The following TENT4A variants were observed in gnomAD, a reference collection of about 807,000 sequenced individuals.
TENT4A encodes DNA polymerase kappa.
TENT4A carries 7 observed loss-of-function variants against 72.8 expected under a neutral mutation model. The observed-to-expected ratio is 0.10, with a 90% CI of 0.05 to 0.18. The LOEUF (loss-of-function observed/expected upper bound fraction) is 0.18, where lower values mean the gene tolerates loss of function less well. Ranked by LOEUF, TENT4A falls within the 10% of genes least tolerant of loss-of-function variation. TENT4A has a pLI of 1.00. For missense variants in TENT4A, 831 were observed against 1,017.7 expected, an observed-to-expected ratio of 0.82 and a Z score of 2.50; for synonymous variants, 456 against 434.3, an observed-to-expected ratio of 1.05 and a Z score of -0.62.
chr5:6,724,156 A>G (rs573375770), intron 1 of TENT4A, among the ~76,000 whole-genome samples: 1 of 152,350 alleles, frequency 6.6e-6, no homozygotes, highest in Non-Finnish European at 1.5e-5. Flanking sequence ...AAATAAAGGC[A>G]CTGGTGCCCA....
At chr5:6,719,446 A>T (rs1030716753) in intron 1 of TENT4A, among the ~76,000 whole-genome samples, 1 of 152,200 alleles carries the variant, frequency 6.6e-6, no homozygotes, top group Non-Finnish European at 1.5e-5. Flanking sequence ...AAAGGTACAG[A>T]GGGGTGGCAG....
Position 6,732,208 on chromosome 5 carries a change from G to C in TENT4A, c.717-5302G>C, listed in dbSNP as rs551672359. On this transcript the variant is annotated intron_variant, in intron 1 of 12. Transcript: ENST00000230859. ...CCTGGGTGAGGCAGTGCACGGGTGGGCTTGCTTCACCTCTTTGGCCCCAGC... is the reference window on the plus strand; with the variant it reads ...CCTGGGTGAGGCAGTGCACGGGTGGCCTTGCTTCACCTCTTTGGCCCCAGC... 3.9e-5 allele frequency among the ~76,000 whole-genome samples: 6 copies of C among 152,326 alleles called. No homozygotes were observed. The South Asian group carries it at 1.0e-3, about 26-fold the overall frequency.
intron 4 of TENT4A, among the ~76,000 whole-genome samples, chr5:6,740,612 C>T (rs1354264310): frequency 6.6e-6 from 1 of 152,074 alleles, no homozygotes; most frequent in Non-Finnish European, 1.5e-5. Flanking sequence ...TTGTCAGGTG[C>T]TTTTGATTGA....
In TENT4A at chr5:6,746,317, G is replaced by GTA; in HGVS notation, c.1351_1352dup (p.Arg452LeufsTer16). Reference sequence around the variant, plus strand: ...AGAAATTTTAATTACTTGAAAACCGGTATTAGAATCAAAGAAGGAGGTGCC... The same window carrying GTA: ...AGAAATTTTAATTACTTGAAAACCGGTATATTAGAATCAAAGAAGGAGGTGCC... On this transcript the variant is annotated frameshift_variant, in exon 7 of 13. Transcript: ENST00000230859. LOFTEE classifies it high-confidence loss of function. 1 of 1,614,140 alleles carries GTA rather than the reference G, an allele frequency of 6.2e-7. No homozygotes were observed. The highest frequency in any genetic ancestry group is 2.2e-5 in the East Asian group (1 of 44,876).
chr5:6,730,945 CT>C (rs1741180465), intron 1 of TENT4A, among the ~76,000 whole-genome samples: 3 of 152,246 alleles, frequency 2.0e-5, no homozygotes, highest in Admixed American at 1.3e-4. Flanking sequence ...CAGTCATTCC[CT>C]CATTATGCTT....
chr5:6,725,741 G>T (rs1740885765), intron 1 of TENT4A, among the ~76,000 whole-genome samples: 2 of 152,170 alleles, frequency 1.3e-5, no homozygotes, highest in Admixed American at 1.3e-4. Flanking sequence ...AGAAGCACAA[G>T]CAGGTGGCTG....
chr5:6,723,434 G>A (rs1462648429), intron 1 of TENT4A, among the ~76,000 whole-genome samples: 6 of 152,128 alleles, frequency 3.9e-5, no homozygotes, highest in Non-Finnish European at 8.8e-5. Context: ...CTCTCTGCAC[G>A]AGTTTGCTCC....
At chr5:6,731,167 T>G (rs918431319) in intron 1 of TENT4A, among the ~76,000 whole-genome samples, 1 of 152,238 alleles carries the variant, frequency 6.6e-6, no homozygotes, top group Non-Finnish European at 1.5e-5. Flanking sequence ...GTGAACATTG[T>G]GGAGCTGAAG....
At chr5:6,739,898 ACATCC>A in intron 4 of TENT4A, 46 bp downstream of exon 4, 1 of 1,595,622 alleles carries the variant, frequency 6.3e-7, no homozygotes, top group Non-Finnish European at 8.6e-7. Flanking sequence ...GAGCCTTGTC[ACATCC>A]CAGGTGGTCA....
chr5:6,714,510 G>T lies in TENT4A; in HGVS notation c.527G>T (p.Gly176Val). 10 of 1,189,542 alleles carry T rather than the reference G, an allele frequency of 8.4e-6. No homozygotes were observed. The highest frequency in any genetic ancestry group is 1.0e-5 in the Non-Finnish European group (10 of 960,744). The allele number at this position is 1,189,542 out of a possible 1,614,324, so 73.7% of individuals were successfully genotyped here. The stretch of plus-strand genomic sequence containing the variant: ...GGGCCGCGCGGCCCCGCGCCCGCCG[G>T]CTCCCCGTCGCAGCACCAGTTCCAC... ...HPGPRGPAPA[G>V]SPSQHQFHPG... The change falls in exon 1 of 13, where the codon GGC (glycine) becomes GTC (valine). Residue 176 changes from glycine to valine, a missense_variant. Physicochemically the swap from Gly to Val is moderately radical, Grantham distance 109. Transcript: ENST00000230859.
Position 6,719,903 on chromosome 5 carries a change from C to T in TENT4A, c.716+5204C>T, listed in dbSNP as rs79981667. 3.5e-4 allele frequency among the ~76,000 whole-genome samples: 53 copies of T among 152,292 alleles called. 1 individual carries two copies. The East Asian group carries it at 9.1e-3, about 26-fold the overall frequency. ...AGATCAGGGATGGCGGGGCTGGGTTCTCTGCTTAGGCTTTTGCAAGGCTGA... is the reference window on the plus strand; with the variant it reads ...AGATCAGGGATGGCGGGGCTGGGTTTTCTGCTTAGGCTTTTGCAAGGCTGA... On this transcript the variant is annotated intron_variant, in intron 1 of 12. Coordinates refer to ENST00000230859, the MANE Select transcript of TENT4A (RefSeq NM_006999.6).
At chr5:6,724,119 A>C (rs899826076) in intron 1 of TENT4A, among the ~76,000 whole-genome samples, 3 of 152,234 alleles carry the variant, frequency 2.0e-5, no homozygotes, top group African/African-American at 7.2e-5. Context: ...TAAGTGATTC[A>C]AGCGTCTTGC....
chr5:6,746,515 C>T (rs960346168), intron 7 of TENT4A, 88 bp downstream of exon 7: 5 of 1,211,600 alleles, frequency 4.1e-6, no homozygotes, highest in Admixed American at 2.2e-5. Context: ...CTCTGAGAGC[C>T]CCGGGCAGTT....
Position 6,756,094 on chromosome 5 carries a change from G to A in TENT4A, c.*1149G>A, listed in dbSNP as rs1742681662. 6.6e-6 allele frequency: 1 copy of A among 152,624 alleles called. No individual in the cohort carries two copies. The highest frequency in any genetic ancestry group is 1.5e-5 in the Non-Finnish European group (1 of 68,046). The allele number at this position is 152,624 out of a possible 1,614,324, so 9.5% of individuals were successfully genotyped here. On this transcript the variant is annotated 3_prime_UTR_variant, in exon 13 of 13. Transcript: ENST00000230859. ...AGGAGAAGTGCTTCAGCTGCCCAGTGCGCCGTGGGGAGTGTTTTAACGGAT... is the reference window on the plus strand; with the variant it reads ...AGGAGAAGTGCTTCAGCTGCCCAGTACGCCGTGGGGAGTGTTTTAACGGAT...
Position 6,714,302 on chromosome 5 carries a change from T to A in TENT4A, c.319T>A (p.Ser107Thr). The A allele has an allele frequency of 9.1e-7, 1 of 1,098,742 alleles. No homozygotes were observed. The highest frequency in any genetic ancestry group is 1.1e-6 in the Non-Finnish European group (1 of 904,422). The allele number at this position is 1,098,742 out of a possible 1,614,324, so 68.1% of individuals were successfully genotyped here. A position where few individuals can be genotyped will look rare whatever the true frequency, so the allele number is the denominator to read the frequency against. ...CGCGCGGCGCTTGCACAAGTCGCCG[T>A]CGCTGTCGTCCTCGTCGTCGTCCTC... ...EGARRLHKSPSLSSSSSSSSS... is the reference protein window; with the variant it reads ...EGARRLHKSPTLSSSSSSSSS... Residue 107 changes from serine to threonine, a missense_variant, in exon 1 of 13, where the codon TCG becomes ACG. By Grantham distance (58) the Ser-to-Thr change is moderately conservative. This residue lies in a region of TENT4A where 302 missense variants were observed against 293.8 expected (regional missense o/e 1.03). Coordinates refer to ENST00000230859, the MANE Select transcript of TENT4A (RefSeq NM_006999.6).
chr5:6,738,905 G>A (rs551589164), intron 3 of TENT4A, among the ~76,000 whole-genome samples, 176 bp downstream of exon 3: 1 of 152,338 alleles, frequency 6.6e-6, no homozygotes, highest in Non-Finnish European at 1.5e-5. Context: ...GTGTTATGAT[G>A]AATTCATTGC....
chr5:6,746,089 A>T, intron 6 of TENT4A, 125 bp from the exon 7 acceptor site: 2 of 1,539,710 alleles, frequency 1.3e-6, no homozygotes, highest in South Asian at 2.4e-5. Context: ...GGTGCTGGTG[A>T]GTGAGCGAGT....
At chr5:6,725,315 C>T (rs183724192) in intron 1 of TENT4A, among the ~76,000 whole-genome samples, 1 of 151,864 alleles carries the variant, frequency 6.6e-6, no homozygotes, top group African/African-American at 2.4e-5. Flanking sequence ...AGCGAGACTC[C>T]GTCTCAAAAA....
chr5:6,714,417 G>C lies in TENT4A; in HGVS notation c.434G>C (p.Arg145Pro), dbSNP rs1460047401. Residue 145 changes from arginine (R) to proline (P), a missense_variant, in exon 1 of 13, where the codon CGC becomes CCC. Around this residue, in one of 3 missense-constraint regions of TENT4A, gnomAD observed 302 missense variants for 293.8 expected, o/e 1.03. Coordinates refer to ENST00000230859, the MANE Select transcript of TENT4A (RefSeq NM_006999.6). ...SASLGRPGGG[R>P]GGAFFNFADG... ...TCGCTGGGCCGGCCGGGCGGCGGCCGCGGCGGCGCCTTCTTCAACTTCGCC... is the reference window on the plus strand; with the variant it reads ...TCGCTGGGCCGGCCGGGCGGCGGCCCCGGCGGCGCCTTCTTCAACTTCGCC... The C allele has an allele frequency of 3.5e-6, 4 of 1,152,216 alleles. No individual in the cohort carries two copies. The highest frequency in any genetic ancestry group is 4.3e-6 in the Non-Finnish European group (4 of 937,266). The allele number at this position is 1,152,216 out of a possible 1,614,324, so 71.4% of individuals were successfully genotyped here.
Sources: gnomAD v4.1 joint callset for allele counts (sites outside exome capture counted in the v4.1 genomes callset) on GRCh38, gnomAD v4.1.1 for gene constraint, gnomAD v4.1.1 regional missense constraint, MANE v1.5 for transcripts, NCBI Gene and HGNC (gene_info 2026-07-23, HGNC 2026-07-21) for gene names.